The following PIAS2 variants were observed in gnomAD, a reference collection of about 807,000 sequenced individuals.
PIAS2 encodes E3 SUMO-protein ligase PIAS2.
A neutral mutation model predicts 69.7 loss-of-function variants in PIAS2; 19 were observed. The ratio of observed to expected loss-of-function variants is 0.27; its 90% CI spans 0.19 to 0.40. The LOEUF (loss-of-function observed/expected upper bound fraction) is 0.40. PIAS2 is among the 10% of genes least tolerant of loss of function. The pLI is 1.00. For missense variants in PIAS2, 624 were observed against 757.0 expected, an observed-to-expected ratio of 0.82 and a Z score of 2.06; for synonymous variants, 261 against 263.2, an observed-to-expected ratio of 0.99 and a Z score of 0.08.
chr18:46,827,677 G>A (rs2144923130), intron 11 of PIAS2: 1 of 285,530 alleles, frequency 3.5e-6, no homozygotes, highest in Non-Finnish European at 6.6e-6. Flanking sequence ...CATCTGGTCT[G>A]AGATGCCAAA....
At chr18:46,917,038 C>T in intron 1 of PIAS2, 1 of 987,888 alleles carries the variant, frequency 1.0e-6, no homozygotes, top group Non-Finnish European at 1.2e-6. Flanking sequence ...TGTGCCCCTC[C>T]TGGAGGGCGC....
chr18:46,915,201 C>T (rs1029671476), intron 1 of PIAS2: 1 of 152,102 alleles, frequency 6.6e-6, no homozygotes, highest in Non-Finnish European at 1.5e-5. Flanking sequence ...GTTAACCTCT[C>T]TGTGCTTCAA....
chr18:46,847,957 T>C (rs769129663), intron 5 of PIAS2, among the ~76,000 whole-genome samples: 28 of 152,318 alleles, frequency 1.8e-4, no homozygotes, highest in Non-Finnish European at 3.2e-4. Context: ...CATATTTCAC[T>C]GATGCTAGGA....
chr18:46,874,532 T>C (rs2145764757), intron 2 of PIAS2, among the ~76,000 whole-genome samples: 1 of 152,196 alleles, frequency 6.6e-6, no homozygotes, highest in Non-Finnish European at 1.5e-5. Context: ...AACTAAACCC[T>C]AAAAAGCCAC....
chr18:46,882,632 T>C lies in PIAS2; in HGVS notation c.499+7948A>G, dbSNP rs539103905. On this transcript the variant is annotated intron_variant, in intron 2 of 13. Coordinates refer to ENST00000585916, the MANE Select transcript of PIAS2 (RefSeq NM_004671.5). Reference sequence around the variant, plus strand: ...CAAGAATAGTGCCTGATACATGCTATACACAAAAATACTTCTGAATGAATA... The same window carrying C: ...CAAGAATAGTGCCTGATACATGCTACACACAAAAATACTTCTGAATGAATA... Among the ~76,000 whole-genome samples the C allele has an allele frequency of 3.3e-5, 5 of 152,324 alleles. No homozygotes were observed. The South Asian group carries it at 6.2e-4, about 19-fold the overall frequency.
chr18:46,829,655 T>C, intron 10 of PIAS2, 79 bp downstream of exon 10: 2 of 1,254,094 alleles, frequency 1.6e-6, no homozygotes, highest in South Asian at 1.5e-5. Flanking sequence ...ATTCCAAACG[T>C]ATAGTTCTAG....
At chr18:46,870,910 A>G (rs2145711495) in intron 2 of PIAS2, among the ~76,000 whole-genome samples, 1 of 152,286 alleles carries the variant, frequency 6.6e-6, no homozygotes, top group Admixed American at 6.5e-5. Context: ...CCAAGAGAAT[A>G]TGAAAGATCT....
intron 5 of PIAS2, among the ~76,000 whole-genome samples, chr18:46,847,134 T>C (rs377046012): frequency 8.5e-5 from 13 of 152,208 alleles, no homozygotes; most frequent in African/African-American, 2.2e-4. Flanking sequence ...TCCTTTTTCA[T>C]AGGACACCAA....
intron 11 of PIAS2, among the ~76,000 whole-genome samples, chr18:46,823,662 C>T (rs941447379): frequency 3.9e-5 from 6 of 152,112 alleles, no homozygotes; most frequent in Non-Finnish European, 8.8e-5. Flanking sequence ...AATGGCGGTA[C>T]AAATTAGTAA....
At chr18:46,874,586 G>C (rs929396015) in intron 2 of PIAS2, among the ~76,000 whole-genome samples, 3 of 152,108 alleles carry the variant, frequency 2.0e-5, no homozygotes, top group East Asian at 3.9e-4. Context: ...TGGACCAAAT[G>C]CCTTCCCATT....
At chr18:46,828,214 TAGTA>T in intron 10 of PIAS2, 84 bp from the exon 11 acceptor site, 1 of 1,224,020 alleles carries the variant, frequency 8.2e-7, no homozygotes, top group South Asian at 1.8e-5. Flanking sequence ...ATATTCAGTA[TAGTA>T]TGTTCCTGAC....
rs2040749018 is a variant in PIAS2 at position 46,807,377 on chromosome 18, A to ATTTTT, written c.*5055_*5056insAAAAA. 1 of 25,058 alleles carries ATTTTT rather than the reference A, an allele frequency of 4.0e-5. No homozygotes were observed. Among genetic ancestry groups the ATTTTT allele is most frequent in the Admixed American group, 2.9e-4 (1 of 3,476 alleles). 1.6% of individuals were successfully genotyped at this position (25,058 alleles called of 1,614,324 possible). The stretch of plus-strand genomic sequence containing the variant: ...ATTTTATATATATATATATATATAT[A>ATTTTT]TATATATTTTTTTTTTTTTTTTTTT... On this transcript the variant is annotated 3_prime_UTR_variant, in exon 14 of 14. Coordinates refer to ENST00000585916, the MANE Select transcript of PIAS2 (RefSeq NM_004671.5).
chr18:46,915,255 G>A (rs2057690602), intron 1 of PIAS2: 1 of 152,104 alleles, frequency 6.6e-6, no homozygotes, highest in Non-Finnish European at 1.5e-5. Context: ...TAGAAAAAAT[G>A]CTTAGACCAG....
At chr18:46,823,269 T>C (rs1283997919) in intron 11 of PIAS2, among the ~76,000 whole-genome samples, 1 of 151,850 alleles carries the variant, frequency 6.6e-6, no homozygotes, top group African/African-American at 2.4e-5. Flanking sequence ...GTTTTTTTTT[T>C]CTCTGCCACT....
rs1410817939 is a variant in PIAS2 at position 46,805,513 on chromosome 18, A to AT, written c.*6919dup. 3 of 152,214 alleles carry AT rather than the reference A, an allele frequency of 2.0e-5. No homozygotes were observed. Among genetic ancestry groups the AT allele is most frequent in the Non-Finnish European group, 2.9e-5 (2 of 68,058 alleles). 9.4% of individuals were successfully genotyped at this position (152,214 alleles called of 1,614,324 possible). ...CTTGGCATGAGCTTCAGAGGCAGAG[A>AT]TTTTTTAGAGACGTGTAACGATGCA... On this transcript the variant is annotated 3_prime_UTR_variant, in exon 14 of 14. Transcript: ENST00000585916.
At position 46,808,079 on chromosome 18, in the gene PIAS2, C is replaced by T. The variant is rs1355683738; in HGVS notation, c.*4354G>A. On this transcript the variant is annotated 3_prime_UTR_variant, in exon 14 of 14. Transcript: ENST00000585916. ...AGTAAAGGTTATATGAAACATGGCA[C>T]ATCCATAACAATGGAGTACCATAAA... The T allele has an allele frequency of 5.3e-5, 8 of 152,156 alleles. No homozygotes were observed. Among genetic ancestry groups the T allele is most frequent in the Non-Finnish European group, 1.0e-4 (7 of 68,024 alleles). 9.4% of individuals were successfully genotyped at this position (152,156 alleles called of 1,614,324 possible).
intron 2 of PIAS2, among the ~76,000 whole-genome samples, chr18:46,876,042 T>C (rs564776642): frequency 1.3e-5 from 2 of 152,280 alleles, no homozygotes; most frequent in South Asian, 4.2e-4. Context: ...AGGGATGCAG[T>C]GAGTTTAAGC....
At chr18:46,830,452 T>C (rs1174857286) in intron 9 of PIAS2, among the ~76,000 whole-genome samples, 1 of 151,872 alleles carries the variant, frequency 6.6e-6, no homozygotes, top group East Asian at 1.9e-4. Context: ...AAAAATGTAA[T>C]AAAATTTGTG....
chr18:46,875,929 C>G lies in PIAS2; in HGVS notation c.500-11681G>C, dbSNP rs1057214831. On this transcript the variant is annotated intron_variant, in intron 2 of 13. Transcript: ENST00000585916. ...TATGCCAAGCTCTCTCTTGGCTATT[C>G]CCTGAAGTTCGGCACCCTATGGGTC... is the stretch of plus-strand genomic sequence containing the variant. Among the ~76,000 whole-genome samples, 16 of 152,332 alleles carry G rather than the reference C, an allele frequency of 1.1e-4. No homozygotes were observed. In the South Asian group the frequency reaches 2.1e-3, roughly 20 times the overall value.
Sources: allele counts gnomAD v4.1 joint callset (sites outside exome capture counted in the v4.1 genomes callset), GRCh38; gene constraint gnomAD v4.1.1; transcripts MANE v1.5; gene names NCBI Gene and HGNC (gene_info 2026-07-23, HGNC 2026-07-21).